The following GMFG variants were observed in gnomAD, a reference collection of about 807,000 sequenced individuals.
GMFG encodes glia maturation factor gamma.
GMFG carries 21 observed loss-of-function variants against 26.1 expected under a neutral mutation model. The observed-to-expected ratio is 0.80, with a 90% CI of 0.57 to 1.16. GMFG has a LOEUF of 1.16. GMFG is among the 50% of genes most tolerant of loss of function. GMFG has a pLI of 0.00. For synonymous variants in GMFG, 65 were observed against 60.8 expected (o/e 1.07, Z -0.32); for missense variants, 161 against 178.3 (o/e 0.90, Z 0.55).
chr19:39,335,118 T>C (rs2075243635), intron 3 of GMFG, 143 bp downstream of exon 3: 3 of 632,260 alleles, frequency 4.7e-6, no homozygotes, highest in Non-Finnish European at 8.2e-6. Context: ...CCCAAAGTGC[T>C]GGGATTACAG....
At chr19:39,330,120 T>C (rs1034158708) in intron 4 of GMFG, among the ~76,000 whole-genome samples, 2 of 152,122 alleles carry the variant, frequency 1.3e-5, no homozygotes, top group Non-Finnish European at 2.9e-5. Context: ...GACTCACAAT[T>C]ACTTTATAAT....
chr19:39,335,271 T>G lies in GMFG; in HGVS notation c.140A>C (p.Glu47Ala), dbSNP rs974111319. ...DKDRQMVVLE[E>A]EFQNISPEEL... Reference sequence around the variant, plus strand: ...ACCCCAGCCCATCACCTGAAATTCTTCCTCCAGCACCACCATCTGCCGGTC... The same window carrying G: ...ACCCCAGCCCATCACCTGAAATTCTGCCTCCAGCACCACCATCTGCCGGTC... Residue 47 changes from glutamate (E) to alanine (A), a missense_variant, in exon 3 of 7, where the codon GAA becomes GCA. Coordinates refer to ENST00000597595, the MANE Select transcript of GMFG (RefSeq NM_004877.4). 1 of 1,558,206 alleles carries G rather than the reference T, an allele frequency of 6.4e-7. No individual in the cohort carries two copies. Among genetic ancestry groups the G allele is most frequent in the Admixed American group, 1.8e-5 (1 of 54,082 alleles).
chr19:39,329,130 G>A (rs2075215912), intron 5 of GMFG, 57 bp from the exon 6 acceptor site: 7 of 1,235,970 alleles, frequency 5.7e-6, no homozygotes, highest in Non-Finnish European at 8.4e-6. Flanking sequence ...GTTCTCTAAA[G>A]CTCTAGTAAT....
chr19:39,335,581 C>T (rs2075246293), intron 1 of GMFG, 50 bp from the exon 2 acceptor site: 2 of 1,222,614 alleles, frequency 1.6e-6, no homozygotes, highest in Admixed American at 3.4e-5. Context: ...TCAGCCCTCA[C>T]CCCTTCCCCA....
intron 1 of GMFG, 110 bp downstream of exon 1, chr19:39,335,864 C>T (rs1178224542): frequency 1.3e-6 from 1 of 794,738 alleles, no homozygotes; most frequent in African/African-American, 1.7e-5. Context: ...GTTGGGCCCC[C>T]TTCCCGGCCC....
At chr19:39,334,285 A>G (rs933976984) in intron 3 of GMFG, among the ~76,000 whole-genome samples, 2 of 151,532 alleles carry the variant, frequency 1.3e-5, no homozygotes, top group Non-Finnish European at 2.9e-5. Context: ...CAAAGTGCTG[A>G]GATTACAGGC....
intron 1 of GMFG, 67 bp downstream of exon 1, chr19:39,335,907 A>G: frequency 3.6e-6 from 4 of 1,109,736 alleles, no homozygotes; most frequent in Non-Finnish European, 5.5e-6. Flanking sequence ...ACCTTCGCCC[A>G]GGTGTCCTCC....
intron 4 of GMFG, among the ~76,000 whole-genome samples, chr19:39,332,029 T>C (rs2075228392): frequency 8.0e-6 from 1 of 125,522 alleles, no homozygotes; most frequent in Admixed American, 7.5e-5. Flanking sequence ...GCCTGGCTAA[T>C]TTTTTTTTTT....
At chr19:39,333,487 G>T (rs1189196627) in intron 3 of GMFG, among the ~76,000 whole-genome samples, 1 of 151,640 alleles carries the variant, frequency 6.6e-6, no homozygotes, top group Admixed American at 6.6e-5. Context: ...GGCTGAGGCA[G>T]GAGAATTGCT....
intron 4 of GMFG, among the ~76,000 whole-genome samples, chr19:39,332,399 C>A (rs1474078806): frequency 6.6e-6 from 1 of 151,552 alleles, no homozygotes; most frequent in Non-Finnish European, 1.5e-5. Context: ...AACTCCTGGC[C>A]TCAGGTGATC....
At chr19:39,328,943 G>T in intron 6 of GMFG, 57 bp downstream of exon 6, 1 of 1,236,418 alleles carries the variant, frequency 8.1e-7, no homozygotes, top group Non-Finnish European at 1.2e-6. Context: ...TCTTCCCTCA[G>T]ACCCAGGACC....
At chr19:39,330,579 C>T (rs1009104393) in intron 4 of GMFG, among the ~76,000 whole-genome samples, 2 of 151,264 alleles carry the variant, frequency 1.3e-5, no homozygotes, top group Admixed American at 1.3e-4. Context: ...TAGGTGCACA[C>T]CACCATGCCC....
chr19:39,328,886 AC>A lies in GMFG; in HGVS notation c.357+113del, dbSNP rs200127915. 5.4e-4 allele frequency: 438 copies of A among 811,978 alleles called. 1 individual carries two copies. The highest frequency in any genetic ancestry group is 5.9e-4 in the Non-Finnish European group (280 of 472,110). 50.3% of individuals were successfully genotyped at this position (811,978 alleles called of 1,614,324 possible). ...GAGCGAGACCCAGTTCTTTAAAAAA[AC>A]AAAAACAAAAACAAAAACCACTGAG... On this transcript the variant is annotated intron_variant, in intron 6 of 6. Coordinates refer to ENST00000597595, the MANE Select transcript of GMFG (RefSeq NM_004877.4).
chr19:39,329,698 A>T, intron 4 of GMFG, 72 bp from the exon 5 acceptor site: 1 of 940,474 alleles, frequency 1.1e-6, no homozygotes. Flanking sequence ...ACCTGAGTCC[A>T]CAGCCTTGAA....
At position 39,335,965 on chromosome 19, in the gene GMFG, G is replaced by C; in HGVS notation, c.3+9C>G. 1 of 1,587,552 alleles carries C rather than the reference G, an allele frequency of 6.3e-7. No individual in the cohort carries two copies. Among genetic ancestry groups the C allele is most frequent in the Non-Finnish European group, 8.6e-7 (1 of 1,156,148 alleles). On this transcript the variant is annotated intron_variant, in intron 1 of 6. Coordinates refer to ENST00000597595, the MANE Select transcript of GMFG (RefSeq NM_004877.4). ...CCCAGCTCTTCCCATAGAACCCCTG[G>C]CCCCTGACCATGATTGTTCTGTCCA...
intron 6 of GMFG, 195 bp downstream of exon 6, chr19:39,328,802 CAGG>C: frequency 1.6e-6 from 1 of 619,066 alleles, no homozygotes; most frequent in Non-Finnish European, 2.9e-6. Context: ...TGCTTGAACC[CAGG>C]AGGAGGAGGT....
rs1343486240 is a variant in GMFG at position 39,335,248 on chromosome 19, C to G, written c.150+13G>C. The G allele has an allele frequency of 6.4e-7, 1 of 1,553,770 alleles. No individual in the cohort carries two copies. Among genetic ancestry groups the G allele is most frequent in the African/African-American group, 1.4e-5 (1 of 73,412 alleles). ...CCCTGTACCTCCCAGTCCCAATCAC[C>G]CCAGCCCATCACCTGAAATTCTTCC... On this transcript the variant is annotated intron_variant, in intron 3 of 6. Coordinates refer to ENST00000597595, the MANE Select transcript of GMFG (RefSeq NM_004877.4).
At position 39,328,376 on chromosome 19, in the gene GMFG, TAAAATTTATTTAA is replaced by T; in HGVS notation, c.*88_*100del. 1 of 806,480 alleles carries T rather than the reference TAAAATTTATTTAA, an allele frequency of 1.2e-6. No homozygotes were observed. Among genetic ancestry groups the T allele is most frequent in the Non-Finnish European group, 2.1e-6 (1 of 466,496 alleles). The allele number at this position is 806,480 out of a possible 1,614,324, so 50.0% of individuals were successfully genotyped here. A position where few individuals can be genotyped will look rare whatever the true frequency, so the allele number is the denominator to read the frequency against. On this transcript the variant is annotated 3_prime_UTR_variant, in exon 7 of 7. Coordinates refer to ENST00000597595, the MANE Select transcript of GMFG (RefSeq NM_004877.4). ...TGAGGATCTCCGAGTTTTTGCATTTTAAAATTTATTTAAAGTCTTGGTTGTTCAGGTCCTAGGG... is the reference window on the plus strand; with the variant it reads ...TGAGGATCTCCGAGTTTTTGCATTTTAGTCTTGGTTGTTCAGGTCCTAGGG...
intron 2 of GMFG, 32 bp downstream of exon 2, chr19:39,335,403 C>A: frequency 6.3e-7 from 1 of 1,588,658 alleles, no homozygotes; most frequent in Non-Finnish European, 8.6e-7. Flanking sequence ...CCACCGCCCT[C>A]CCATCCTTCT....
Sources: allele counts gnomAD v4.1 joint callset (sites outside exome capture counted in the v4.1 genomes callset), GRCh38; gene constraint gnomAD v4.1.1; transcripts MANE v1.5; gene names NCBI Gene and HGNC (gene_info 2026-07-23, HGNC 2026-07-21).